The following LCA5 variants were observed in gnomAD, a reference collection of about 807,000 sequenced individuals.
The protein encoded by LCA5 is lebercilin LCA5.
LCA5 carries 37 observed loss-of-function variants against 53.0 expected under a neutral mutation model. The observed-to-expected ratio is 0.70, with a 90% confidence interval of 0.54 to 0.92. The LOEUF (loss-of-function observed/expected upper bound fraction) is 0.92, where lower values mean the gene tolerates loss of function less well. LCA5 is among the 40% of genes least tolerant of loss of function. The pLI is 0.00. For synonymous variants in LCA5, 303 were observed against 282.9 expected (o/e 1.07, Z -0.71); for missense variants, 806 against 790.5 (o/e 1.02, Z -0.23).
At chr6:79,515,112 TAC>T (rs1766388688) in intron 2 of LCA5, among the ~76,000 whole-genome samples, 1 of 152,140 alleles carries the variant, frequency 6.6e-6, no homozygotes, top group Non-Finnish European at 1.5e-5. Flanking sequence ...CAGCATATTA[TAC>T]AGCGAGATTT....
rs1309468456 is a variant in LCA5 at position 79,518,817 on chromosome 6, A to T, written c.78T>A (p.Asp26Glu). Reference sequence around the variant, plus strand: ...GGCCAGAAGACTGTGGCGTTTCAAAATCAGATAAGTAAGAATAATGGTGTT... The same window carrying T: ...GGCCAGAAGACTGTGGCGTTTCAAATTCAGATAAGTAAGAATAATGGTGTT... The part of the protein sequence containing the change: ...AGKHHYSYLS[D>E]FETPQSSGRS... The change falls in exon 2 of 8, where the codon GAT becomes GAA. Residue 26 changes from aspartate (D) to glutamate (E), a missense_variant. Transcript: ENST00000369846. 4.3e-6 allele frequency: 7 copies of T among 1,614,162 alleles called. No homozygotes were observed. The highest frequency in any genetic ancestry group is 5.9e-6 in the Non-Finnish European group (7 of 1,180,022).
chr6:79,497,689 CAAT>C (rs1013767148), intron 3 of LCA5, among the ~76,000 whole-genome samples: 2 of 152,072 alleles, frequency 1.3e-5, no homozygotes, highest in Admixed American at 6.6e-5. Flanking sequence ...ATAAAAGATA[CAAT>C]GATGGCCAGG....
At chr6:79,506,552 C>A (rs528730834) in intron 3 of LCA5, among the ~76,000 whole-genome samples, 2 of 152,180 alleles carry the variant, frequency 1.3e-5, no homozygotes, top group East Asian at 3.9e-4. Flanking sequence ...ACTTTCACCC[C>A]CTATTTGAAG....
At chr6:79,508,248 G>C (rs1158317599) in intron 3 of LCA5, among the ~76,000 whole-genome samples, 1 of 152,152 alleles carries the variant, frequency 6.6e-6, no homozygotes, top group Admixed American at 6.5e-5. Context: ...AAGGAGGACA[G>C]ACAACTGTCA....
chr6:79,513,753 A>G lies in LCA5; in HGVS notation c.191-12T>C, dbSNP rs1350926755. On this transcript the variant is annotated splice_polypyrimidine_tract_variant and intron_variant, in intron 2 of 7. Transcript: ENST00000369846. ...TGGTTTCCGAGGGGCTAAAAAAGAAACAGGAATAATGTAAAGTGAAAGCTG... is the reference window on the plus strand; with the variant it reads ...TGGTTTCCGAGGGGCTAAAAAAGAAGCAGGAATAATGTAAAGTGAAAGCTG... 2 of 1,612,604 alleles carry G rather than the reference A, an allele frequency of 1.2e-6. No homozygotes were observed. Among genetic ancestry groups the G allele is most frequent in the Non-Finnish European group, 1.7e-6 (2 of 1,179,114 alleles).
chr6:79,487,562 A>C lies in LCA5; in HGVS notation c.1536T>G (p.Ser512=). 6.2e-7 allele frequency: 1 copy of C among 1,614,058 alleles called. No individual in the cohort carries two copies. The stretch of plus-strand genomic sequence containing the variant: ...CATTAAATAATCTCTCTGAGGATTC[A>C]GAGAACCTGTATGTTTTGGGGCTTC... The part of the protein sequence containing the change: ...PERSPKTYRF[S]ESSERLFNGH... The change falls in exon 8 of 8, where the codon TCT becomes TCG. Residue 512 remains serine (S), a synonymous_variant. Transcript: ENST00000369846.
chr6:79,524,318 T>A (rs1766718171), intron 1 of LCA5, among the ~76,000 whole-genome samples: 1 of 152,192 alleles, frequency 6.6e-6, no homozygotes, highest in South Asian at 2.1e-4. Flanking sequence ...TCCACATCCT[T>A]AAATAATTTC....
At chr6:79,493,173 G>C (rs1024760920) in intron 4 of LCA5, among the ~76,000 whole-genome samples, 7 of 152,168 alleles carry the variant, frequency 4.6e-5, no homozygotes, top group South Asian at 2.1e-4. Flanking sequence ...CTTCTATGTA[G>C]AATGAAGAAT....
Position 79,493,614 on chromosome 6 carries a change from T to C in LCA5, c.857A>G (p.Lys286Arg). The change falls in exon 4 of 8, where the codon AAG becomes AGG. Residue 286 changes from lysine (K) to arginine (R), a missense_variant and splice_region_variant. By Grantham distance (26) the Lys-to-Arg change is conservative. Transcript: ENST00000369846. ...AACAATGCAATTTAAAATACTTACCTTTAATTTGTGATATAGTCGCTGTAC... is the reference window on the plus strand; with the variant it reads ...AACAATGCAATTTAAAATACTTACCCTTAATTTGTGATATAGTCGCTGTAC... ...KEVQRLYHKLKEKERELDIKN... is the reference protein window; with the variant it reads ...KEVQRLYHKLREKERELDIKN... The C allele has an allele frequency of 6.2e-7, 1 of 1,612,594 alleles. No homozygotes were observed. Among genetic ancestry groups the C allele is most frequent in the South Asian group, 1.1e-5 (1 of 91,064 alleles).
intron 3 of LCA5, among the ~76,000 whole-genome samples, chr6:79,503,589 G>A (rs1283018252): frequency 6.6e-6 from 1 of 152,092 alleles, no homozygotes; most frequent in Non-Finnish European, 1.5e-5. Context: ...TGTACTTTTA[G>A]TATATTTCTC....
chr6:79,491,807 T>C (rs1769851926), intron 5 of LCA5, 77 bp from the exon 6 acceptor site: 3 of 1,242,906 alleles, frequency 2.4e-6, no homozygotes, highest in South Asian at 1.2e-5. Flanking sequence ...GGCATGTATA[T>C]ATATATATGC....
intron 2 of LCA5, among the ~76,000 whole-genome samples, chr6:79,518,141 T>A (rs183464374): frequency 6.6e-6 from 1 of 152,308 alleles, no homozygotes; most frequent in African/African-American, 2.4e-5. Flanking sequence ...TCCATTCTAG[T>A]AACATTTTAA....
In LCA5 at chr6:79,491,592, G is replaced by C. The variant is rs757095417; in HGVS notation, c.1094C>G (p.Thr365Ser). The change falls in exon 6 of 8, where the codon ACT becomes AGT. Residue 365 changes from threonine (T) to serine (S), a missense_variant. Thr to Ser is a moderately conservative substitution (Grantham distance 58). Coordinates refer to ENST00000369846, the MANE Select transcript of LCA5 (RefSeq NM_001122769.3). ...ENKWEEPGHL[T>S]LDLQSQKQDR... ...TAACAATACTGCTAAACTCACCAAA[G>C]TAAGATGTCCTGGTTCTTCCCATTT... is the stretch of plus-strand genomic sequence containing the variant. 2 of 1,612,764 alleles carry C rather than the reference G, an allele frequency of 1.2e-6. No homozygotes were observed. The highest frequency in any genetic ancestry group is 1.7e-5 in the Admixed American group (1 of 59,990).
chr6:79,508,751 A>C (rs1770334575), intron 3 of LCA5, among the ~76,000 whole-genome samples: 1 of 152,182 alleles, frequency 6.6e-6, no homozygotes. Context: ...GGATTTTCTT[A>C]GGTTTTAGTT....
At chr6:79,536,106 CTA>C (rs1350713658) in intron 1 of LCA5, among the ~76,000 whole-genome samples, 1 of 152,166 alleles carries the variant, frequency 6.6e-6, no homozygotes, top group Non-Finnish European at 1.5e-5. Flanking sequence ...TCAAAACAAA[CTA>C]TTATTTCCTA....
At chr6:79,509,764 C>A (rs1387295539) in intron 3 of LCA5, among the ~76,000 whole-genome samples, 1 of 151,748 alleles carries the variant, frequency 6.6e-6, no homozygotes, top group Non-Finnish European at 1.5e-5. Flanking sequence ...TAAAATTGCT[C>A]CAAAGGAAAT....
At chr6:79,532,461 A>G (rs1216908260) in intron 1 of LCA5, among the ~76,000 whole-genome samples, 1 of 152,152 alleles carries the variant, frequency 6.6e-6, no homozygotes, top group African/African-American at 2.4e-5. Context: ...CAGGCCTGCA[A>G]ACTTATACAA....
chr6:79,494,986 G>A (rs1389130690), intron 3 of LCA5, among the ~76,000 whole-genome samples: 1 of 152,192 alleles, frequency 6.6e-6, no homozygotes. Context: ...TAAAGCAGGG[G>A]TCCCCAACCC....
At chr6:79,515,745 T>C (rs1766412957) in intron 2 of LCA5, among the ~76,000 whole-genome samples, 1 of 152,108 alleles carries the variant, frequency 6.6e-6, no homozygotes, top group Non-Finnish European at 1.5e-5. Context: ...AACAAGTAAT[T>C]TTTACAATTT....
Sources: allele counts gnomAD v4.1 joint callset (sites outside exome capture counted in the v4.1 genomes callset), GRCh38; gene constraint gnomAD v4.1.1; transcripts MANE v1.5; gene names NCBI Gene and HGNC (gene_info 2026-07-23, HGNC 2026-07-21).